PHF2: variants seen among roughly 807,000 people sequenced by gnomAD.
The protein encoded by PHF2 is PHD finger protein 2.
In PHF2, 27 loss-of-function variants were observed where a neutral mutation model predicts 120.5. The ratio of observed to expected loss-of-function variants is 0.22; its 90% CI spans 0.17 to 0.31. PHF2 has a LOEUF of 0.31. Ranked by LOEUF, PHF2 falls within the 10% of genes least tolerant of loss-of-function variation. PHF2 has a pLI of 1.00. For synonymous variants in PHF2, 568 were observed against 592.5 expected (o/e 0.96, Z 0.60); for missense variants, 1,024 against 1,434.8 (o/e 0.71, Z 4.63).
chr9:93,671,815 T>C (rs1255621665), intron 17 of PHF2, among the ~76,000 whole-genome samples: 1 of 115,164 alleles, frequency 8.7e-6, no homozygotes, highest in Admixed American at 8.5e-5. Context: ...TGGATGTAGG[T>C]ACAGGTGTAG....
chr9:93,675,728 G>T lies in PHF2; in HGVS notation c.2771G>T (p.Gly924Val). The T allele has an allele frequency of 6.2e-7, 1 of 1,613,274 alleles. No homozygotes were observed. Among genetic ancestry groups the T allele is most frequent in the Non-Finnish European group, 8.5e-7 (1 of 1,179,932 alleles). ...VPRQDRPVRE[G>V]TRVASIETGL... Reference sequence around the variant, plus strand: ...AGACAGGACAGGCCTGTGCGTGAGGGTACACGGGTGGCTTCCATCGAGACC... The same window carrying T: ...AGACAGGACAGGCCTGTGCGTGAGGTTACACGGGTGGCTTCCATCGAGACC... The change falls in exon 20 of 22, where the codon GGT becomes GTT. Residue 924 changes from glycine (G) to valine (V), a missense_variant. Physicochemically the swap from Gly to Val is moderately radical, Grantham distance 109 (BLOSUM62 -3). This residue lies in a region of PHF2 where 677 missense variants were observed against 857.4 expected (regional missense o/e 0.79). Transcript: ENST00000359246.
intron 1 of PHF2, among the ~76,000 whole-genome samples, chr9:93,612,749 A>C (rs1825658042): frequency 6.6e-6 from 1 of 152,066 alleles, no homozygotes; most frequent in African/African-American, 2.4e-5. Flanking sequence ...TATTGTCCTG[A>C]ATTGTTTTGA....
In PHF2 at chr9:93,654,566, A is replaced by G. The variant is rs1826424696; in HGVS notation, c.943A>G (p.Ile315Val). Residue 315 changes from isoleucine (I) to valine (V), a missense_variant, in exon 7 of 22, where the codon ATC (isoleucine) becomes GTC (valine). Transcript: ENST00000359246. ...CIVKQGQTLFIPSGWIYATLT... is the reference protein window; with the variant it reads ...CIVKQGQTLFVPSGWIYATLT... ...CGTCAAGCAGGGCCAGACCCTCTTC[A>G]TCCCCTCAGGTGAGTGCGGGCAGCT... The G allele has an allele frequency of 1.2e-6, 2 of 1,613,592 alleles. No homozygotes were observed. Among genetic ancestry groups the G allele is most frequent in the Non-Finnish European group, 1.7e-6 (2 of 1,179,964 alleles).
chr9:93,673,843 C>G lies in PHF2; in HGVS notation c.2607C>G (p.Cys869Trp). 6.3e-7 allele frequency: 1 copy of G among 1,598,876 alleles called. No individual in the cohort carries two copies. Among genetic ancestry groups the G allele is most frequent in the Non-Finnish European group, 8.6e-7 (1 of 1,169,248 alleles). Residue 869 changes from cysteine (C) to tryptophan (W), a missense_variant, in exon 18 of 22, where the codon TGC (cysteine) becomes TGG (tryptophan). By Grantham distance (215) the Cys-to-Trp change is radical. Around this residue, in one of 2 missense-constraint regions of PHF2, gnomAD observed 677 missense variants for 857.4 expected, o/e 0.79. Transcript: ENST00000359246. ...AAGAGCAGGACCACCTGGATGCCTG[C>G]TTCAAGGACTCAGACTACGGTGAGT... ...YEEEQDHLDA[C>W]FKDSDYVYPS...
At chr9:93,605,025 A>G (rs1485672809) in intron 1 of PHF2, among the ~76,000 whole-genome samples, 1 of 152,164 alleles carries the variant, frequency 6.6e-6, no homozygotes, top group Non-Finnish European at 1.5e-5. Context: ...AGTTTTTTAG[A>G]ACAATTTTAG....
At chr9:93,622,069 T>C (rs566762831) in intron 1 of PHF2, among the ~76,000 whole-genome samples, 4 of 152,326 alleles carry the variant, frequency 2.6e-5, no homozygotes, top group African/African-American at 9.6e-5. Context: ...AGCCATGGCT[T>C]GTCCTTCCTG....
chr9:93,581,835 A>G lies in PHF2; in HGVS notation c.98+4964A>G, dbSNP rs546433561. Among the ~76,000 whole-genome samples, 4 of 152,146 alleles carry G rather than the reference A, an allele frequency of 2.6e-5. No homozygotes were observed. The South Asian group carries it at 6.3e-4, about 24-fold the overall frequency. On this transcript the variant is annotated intron_variant, in intron 1 of 21. Transcript: ENST00000359246. ...ATGGCTGTCCCTGTAGTGCCTCGAC[A>G]TGTGCCAGGTCCTTCTAAAAGAGTG...
chr9:93,646,223 C>T (rs1379897684), intron 4 of PHF2, among the ~76,000 whole-genome samples: 4 of 152,362 alleles, frequency 2.6e-5, no homozygotes, highest in Non-Finnish European at 4.4e-5. Flanking sequence ...GTCTGGATTC[C>T]GTCTGGGTTC....
At chr9:93,674,822 G>T (rs1205869835) in intron 18 of PHF2, 105 bp from the exon 19 acceptor site, 7 of 753,918 alleles carry the variant, frequency 9.3e-6, no homozygotes, top group African/African-American at 1.7e-5. Flanking sequence ...TGTAGGCCCT[G>T]GGGTTGCTGG....
At chr9:93,598,623 G>A (rs10992796) in intron 1 of PHF2, among the ~76,000 whole-genome samples, 8 of 151,934 alleles carry the variant, frequency 5.3e-5, no homozygotes, top group African/African-American at 1.7e-4. Context: ...GAGGTTGTTC[G>A]TGAGTATCAG....
intron 1 of PHF2, among the ~76,000 whole-genome samples, chr9:93,583,699 A>G (rs1212497604): frequency 6.6e-6 from 1 of 151,998 alleles, no homozygotes; most frequent in Non-Finnish European, 1.5e-5. Context: ...GGCCATTGGT[A>G]TATCTTCTTT....
At chr9:93,653,803 C>T (rs555139481) in intron 6 of PHF2, among the ~76,000 whole-genome samples, 13 of 152,310 alleles carry the variant, frequency 8.5e-5, no homozygotes, top group South Asian at 2.1e-4. Flanking sequence ...AAAAATGAGA[C>T]GTAAATAGCA....
At chr9:93,581,254 C>T (rs981538367) in intron 1 of PHF2, among the ~76,000 whole-genome samples, 4 of 152,162 alleles carry the variant, frequency 2.6e-5, no homozygotes, top group Non-Finnish European at 5.9e-5. Flanking sequence ...TCAGGGGCTA[C>T]CTGGGAACAC....
intron 1 of PHF2, among the ~76,000 whole-genome samples, chr9:93,624,831 GATGA>G (rs1825885753): frequency 6.6e-6 from 1 of 151,764 alleles, no homozygotes; most frequent in Non-Finnish European, 1.5e-5. Flanking sequence ...TGATGGTGAT[GATGA>G]TGATGGTGGT....
intron 7 of PHF2, among the ~76,000 whole-genome samples, chr9:93,655,027 T>C (rs1455268162): frequency 6.6e-6 from 1 of 152,152 alleles, no homozygotes; most frequent in Non-Finnish European, 1.5e-5. Flanking sequence ...TAGGGGACAT[T>C]TTGAGTCTGT....
intron 1 of PHF2, among the ~76,000 whole-genome samples, chr9:93,598,767 G>A (rs1292264128): frequency 6.6e-6 from 1 of 152,146 alleles, no homozygotes; most frequent in East Asian, 1.9e-4. Flanking sequence ...GCAGGGCAGG[G>A]CTCACATGGA....
rs576795685 is a variant in PHF2, at chr9:93,654,664, C to T, written c.952+89C>T. On this transcript the variant is annotated intron_variant, in intron 7 of 21. Transcript: ENST00000359246. ...CCTGTCCCTTGGACCGTGTCCCCAC[C>T]ATGGGGTCTCTTCGGCATCCCTGGC... is the stretch of plus-strand genomic sequence containing the variant. The T allele has an allele frequency of 1.1e-5, 14 of 1,267,326 alleles. No individual in the cohort carries two copies. In the Admixed American group the frequency reaches 1.4e-4, roughly 13 times the overall value. 78.5% of individuals were successfully genotyped at this position (1,267,326 alleles called of 1,614,324 possible). A position where few individuals can be genotyped will look rare whatever the true frequency, so the allele number is the denominator to read the frequency against.
intron 18 of PHF2, 82 bp downstream of exon 18, chr9:93,673,944 T>TG (rs2118138029): frequency 7.0e-7 from 1 of 1,419,536 alleles, no homozygotes; most frequent in Non-Finnish European, 9.5e-7. Flanking sequence ...AGCATAAACA[T>TG]GCAGCTCTCC....
intron 2 of PHF2, among the ~76,000 whole-genome samples, chr9:93,631,751 C>T (rs1826005394): frequency 6.6e-6 from 1 of 152,008 alleles, no homozygotes; most frequent in Non-Finnish European, 1.5e-5. Flanking sequence ...AGCCAGGATA[C>T]CCCAGGAGGT....
Sources: allele counts gnomAD v4.1 joint callset (sites outside exome capture counted in the v4.1 genomes callset), GRCh38; gene constraint gnomAD v4.1.1; regional missense constraint gnomAD v4.1.1; transcripts MANE v1.5; gene names NCBI Gene and HGNC (gene_info 2026-07-23, HGNC 2026-07-21).